The following HADHA variants were observed in gnomAD, a reference collection of about 807,000 sequenced individuals.
The protein encoded by HADHA is hydroxyacyl-CoA dehydrogenase trifunctional multienzyme complex subunit alpha.
A neutral mutation model predicts 91.3 loss-of-function variants in HADHA; 59 were observed. The ratio of observed to expected loss-of-function variants is 0.65; its 90% CI spans 0.52 to 0.80. HADHA has a LOEUF of 0.80. HADHA is among the 30% of genes least tolerant of loss of function. HADHA has a pLI of 0.00. For synonymous variants in HADHA, 320 were observed against 338.9 expected, an observed-to-expected ratio of 0.94 and a Z score of 0.61; for missense variants, 800 against 927.6, an observed-to-expected ratio of 0.86 and a Z score of 1.79.
chr2:26,225,614 C>T (rs1017772011), intron 7 of HADHA, among the ~76,000 whole-genome samples: 8 of 152,020 alleles, frequency 5.3e-5, no homozygotes, highest in Non-Finnish European at 7.4e-5. Context: ...ATGTGACTGA[C>T]ATTATTAATA....
intron 7 of HADHA, among the ~76,000 whole-genome samples, chr2:26,215,865 G>A (rs940481480): frequency 6.6e-6 from 1 of 152,220 alleles, no homozygotes; most frequent in Admixed American, 6.5e-5. Context: ...GTATCATGAT[G>A]TTTAATAGAT....
chr2:26,200,922 T>C (rs1008828638), intron 13 of HADHA, among the ~76,000 whole-genome samples: 2 of 151,880 alleles, frequency 1.3e-5, no homozygotes, highest in African/African-American at 2.4e-5. Context: ...CTAGTAGAGA[T>C]GGGGTTTCAT....
intron 7 of HADHA, among the ~76,000 whole-genome samples, chr2:26,227,036 T>C (rs1307430214): frequency 3.3e-5 from 5 of 152,224 alleles, no homozygotes; most frequent in South Asian, 4.1e-4. Context: ...TATTTGCAAA[T>C]CATATATTTG....
intron 6 of HADHA, 88 bp from the exon 7 acceptor site, chr2:26,230,382 T>A: frequency 4.7e-6 from 4 of 847,102 alleles, no homozygotes. Flanking sequence ...GAACAAATAT[T>A]AAAATGAGAA....
chr2:26,226,719 T>C (rs1670492812), intron 7 of HADHA, among the ~76,000 whole-genome samples: 1 of 152,182 alleles, frequency 6.6e-6, no homozygotes, highest in Admixed American at 6.5e-5. Flanking sequence ...AGAAAATTTC[T>C]AGAAGAAAGT....
chr2:26,244,245 G>C (rs140863150), intron 1 of HADHA, among the ~76,000 whole-genome samples: 112 of 152,382 alleles, frequency 7.3e-4, no homozygotes, highest in Non-Finnish European at 1.3e-3. Flanking sequence ...CGTGAGCCCA[G>C]AAGTGCGACG....
chr2:26,225,121 C>A (rs967311184), intron 7 of HADHA, among the ~76,000 whole-genome samples: 3 of 151,958 alleles, frequency 2.0e-5, no homozygotes, highest in African/African-American at 7.2e-5. Context: ...AACTAGGAGC[C>A]CAGGAATTAC....
chr2:26,204,327 A>T, intron 11 of HADHA, 131 bp from the exon 12 acceptor site: 1 of 863,264 alleles, frequency 1.2e-6, no homozygotes, highest in Non-Finnish European at 1.9e-6. Flanking sequence ...AATAATTTTT[A>T]TTTATTAAAA....
chr2:26,206,189 G>A (rs182841864), intron 11 of HADHA, among the ~76,000 whole-genome samples: 6 of 151,186 alleles, frequency 4.0e-5, no homozygotes, highest in Admixed American at 1.3e-4. Flanking sequence ...TAATAACTGG[G>A]GCAATGCAAA....
rs1670693069 is a variant in HADHA, at chr2:26,234,210, T to C, written c.453+7A>G. On this transcript the variant is annotated splice_region_variant and intron_variant, in intron 5 of 19. Transcript: ENST00000380649. ...ACAGTGTCTCAATAACTTTAGAATA[T>C]CTATACCTCAAGTCCTCCTCCCAGG... 6 of 1,612,478 alleles carry C rather than the reference T, an allele frequency of 3.7e-6. No individual in the cohort carries two copies. Among genetic ancestry groups the C allele is most frequent in the Non-Finnish European group, 5.1e-6 (6 of 1,178,466 alleles).
At chr2:26,192,236 G>A in intron 18 of HADHA, 74 bp downstream of exon 18, 3 of 783,620 alleles carry the variant, frequency 3.8e-6, no homozygotes, top group African/African-American at 1.8e-5. Context: ...AAAAAAAAAT[G>A]GAAGAGGGGC....
intron 1 of HADHA, among the ~76,000 whole-genome samples, chr2:26,242,543 G>T (rs1348874869): frequency 2.0e-5 from 2 of 97,916 alleles, no homozygotes; most frequent in Admixed American, 8.9e-5. Flanking sequence ...ATATACAATC[G>T]TATTTCTTCC....
At chr2:26,195,658 T>G (rs559409969) in intron 14 of HADHA, among the ~76,000 whole-genome samples, 1 of 152,286 alleles carries the variant, frequency 6.6e-6, no homozygotes, top group African/African-American at 2.4e-5. Context: ...ATTTGCATTT[T>G]ACACAGATGG....
Position 26,209,321 on chromosome 2 carries a change from A to G in HADHA, c.1085+459T>C, listed in dbSNP as rs368415237. Reference sequence around the variant, plus strand: ...AAAAGGCTGGCTTATGGCAATACACATGAAAGAGGCAAACAGACTTTCCAA... The same window carrying G: ...AAAAGGCTGGCTTATGGCAATACACGTGAAAGAGGCAAACAGACTTTCCAA... On this transcript the variant is annotated intron_variant, in intron 11 of 19. Transcript: ENST00000380649. Among the ~76,000 whole-genome samples, 21 of 152,374 alleles carry G rather than the reference A, an allele frequency of 1.4e-4. No homozygotes were observed. The East Asian group carries it at 2.1e-3, about 15-fold the overall frequency.
chr2:26,197,559 T>C (rs1358804997), intron 14 of HADHA, 132 bp downstream of exon 14: 2 of 708,722 alleles, frequency 2.8e-6, no homozygotes, highest in East Asian at 5.2e-5. Context: ...TAGCATTTAT[T>C]GTGTCCAGTG....
At chr2:26,208,967 G>A (rs1307728837) in intron 11 of HADHA, among the ~76,000 whole-genome samples, 1 of 152,132 alleles carries the variant, frequency 6.6e-6, no homozygotes, top group Non-Finnish European at 1.5e-5. Context: ...TGAGAGGATG[G>A]AGAAGGCAGT....
chr2:26,244,570 G>A lies in HADHA; in HGVS notation c.27C>T (p.Ile9=), dbSNP rs1453533016. The A allele has an allele frequency of 9.4e-6, 15 of 1,587,730 alleles. No individual in the cohort carries two copies. The highest frequency in any genetic ancestry group is 1.3e-5 in the African/African-American group (1 of 74,362). ...TCCTGAAGGCAGAAAAGCGGCTGAGGATGCCAATCGCCCGGCAGGCCACCA... is the reference window on the plus strand; with the variant it reads ...TCCTGAAGGCAGAAAAGCGGCTGAGAATGCCAATCGCCCGGCAGGCCACCA... MVACRAIG[I]LSRFSAFRIL... is the part of the protein sequence containing the mutation. The change falls in exon 1 of 20, where the codon ATC becomes ATT. Residue 9 remains isoleucine, a synonymous_variant. Transcript: ENST00000380649.
At chr2:26,197,914 C>G in intron 13 of HADHA, 137 bp from the exon 14 acceptor site, 1 of 716,466 alleles carries the variant, frequency 1.4e-6, no homozygotes, top group South Asian at 1.4e-5. Context: ...TGTCACTCAC[C>G]CAGACATTGA....
rs374189575 is a variant in HADHA at position 26,195,170 on chromosome 2, G to C, written c.1542C>G (p.Thr514=). 4 of 1,611,454 alleles carry C rather than the reference G, an allele frequency of 2.5e-6. No homozygotes were observed. Among genetic ancestry groups the C allele is most frequent in the South Asian group, 2.2e-5 (2 of 91,008 alleles). The part of the protein sequence containing the change: ...DKMQLLEIIT[T]EKTSKDTSAS... ...CACTGGTGTCTTTGGAAGTTTTCTC[G>C]GTCGTGATAATCTCCAGCAGCTGCA... Residue 514 remains threonine, a synonymous_variant, in exon 15 of 20, where the codon ACC becomes ACG. Coordinates refer to ENST00000380649, the MANE Select transcript of HADHA (RefSeq NM_000182.5).
Sources: gnomAD v4.1 joint callset for allele counts (sites outside exome capture counted in the v4.1 genomes callset) on GRCh38, gnomAD v4.1.1 for gene constraint, MANE v1.5 for transcripts, NCBI Gene and HGNC (gene_info 2026-07-23, HGNC 2026-07-21) for gene names.